Variants in PPT2 observed in about 807,000 individuals in gnomAD.
PPT2 encodes the protein palmitoyl-protein thioesterase 2, also known as lysosomal thioesterase PPT2.
PPT2 carries 20 observed loss-of-function variants against 37.3 expected under a neutral mutation model. The observed-to-expected ratio is 0.54, with a 90% CI of 0.38 to 0.78. The LOEUF is 0.78. Among genes scored for constraint, PPT2 ranks in the 30% least tolerant of loss-of-function variants. PPT2 has a pLI of 0.00. For missense variants in PPT2, 270 were observed against 389.8 expected (o/e 0.69, Z 2.59); for synonymous variants, 135 against 159.1 (o/e 0.85, Z 1.14).
In PPT2 at chr6:32,162,196, T is replaced by C. The variant is rs887249308; in HGVS notation, c.711-372T>C. Among the ~76,000 whole-genome samples the C allele has an allele frequency of 6.6e-6, 1 of 152,154 alleles. No individual in the cohort carries two copies. The highest frequency in any genetic ancestry group is 1.5e-5 in the Non-Finnish European group (1 of 68,024). On this transcript the variant is annotated intron_variant, in intron 7 of 8. Transcript: ENST00000324816. This position sits in a 1 kb window ranked among gnomAD's most constrained non-coding sequence, Gnocchi z 5.5. ...CACCTTGATTTCTTCCTTTCTTTTTTCCTTTTCTTTTTTCTTTCCTTTTTC... is the reference window on the plus strand; with the variant it reads ...CACCTTGATTTCTTCCTTTCTTTTTCCCTTTTCTTTTTTCTTTCCTTTTTC...
chr6:32,161,037 T>C (rs1582624497), intron 7 of PPT2, among the ~76,000 whole-genome samples: 1 of 151,844 alleles, frequency 6.6e-6, no homozygotes, highest in African/African-American at 2.4e-5. Context: ...TCATTTATAC[T>C]CCTCACCTAG....
Position 32,154,922 on chromosome 6 carries a change from G to A in PPT2, c.184-108G>A. On this transcript the variant is annotated intron_variant, in intron 2 of 8. Coordinates refer to ENST00000324816, the MANE Select transcript of PPT2 (RefSeq NM_005155.7). This position sits in a 1 kb window ranked among gnomAD's most constrained non-coding sequence, Gnocchi z 7.3. ...GGCGTGGGGGAGAGTTGGGGGACGGGATCCCTGGTTCTAGCAGGGTACAAT... is the reference window on the plus strand; with the variant it reads ...GGCGTGGGGGAGAGTTGGGGGACGGAATCCCTGGTTCTAGCAGGGTACAAT... 1 of 1,548,682 alleles carries A rather than the reference G, an allele frequency of 6.5e-7. No individual in the cohort carries two copies. Among genetic ancestry groups the A allele is most frequent in the Admixed American group, 1.7e-5 (1 of 57,746 alleles).
At chr6:32,157,812 C>T (rs771358504) in intron 6 of PPT2, 28 bp from the exon 7 acceptor site, 3 of 1,603,750 alleles carry the variant, frequency 1.9e-6, no homozygotes, top group Non-Finnish European at 2.6e-6. Context: ...CTGTGGCTGA[C>T]TCAGCCTCTC....
Position 32,163,187 on chromosome 6 carries a change from T to C in PPT2, c.*237T>C. The C allele has an allele frequency of 1.8e-6, 1 of 549,508 alleles. No individual in the cohort carries two copies. The highest frequency in any genetic ancestry group is 3.2e-6 in the Non-Finnish European group (1 of 314,076). 34.0% of individuals were successfully genotyped at this position (549,508 alleles called of 1,614,324 possible). A position where few individuals can be genotyped will look rare whatever the true frequency, so the allele number is the denominator to read the frequency against. ...CCTCATGTCCTCTCATTTGGGGGATTGCTCCGTGCTGTCCCTTTCTCTCAA... is the reference window on the plus strand; with the variant it reads ...CCTCATGTCCTCTCATTTGGGGGATCGCTCCGTGCTGTCCCTTTCTCTCAA... On this transcript the variant is annotated 3_prime_UTR_variant, in exon 9 of 9. Transcript: ENST00000324816.
rs779847236 is a variant in PPT2 at position 32,155,026 on chromosome 6, A to G, written c.184-4A>G. On this transcript the variant is annotated splice_region_variant and splice_polypyrimidine_tract_variant and intron_variant, in intron 2 of 8. Coordinates refer to ENST00000324816, the MANE Select transcript of PPT2 (RefSeq NM_005155.7). The surrounding 1 kb of genome is among the most constrained non-coding windows in gnomAD (Gnocchi z 4.3). ...CCGGTGGCTGCATTGCCCCCTTCCC[A>G]CAGACACACCCCGGGACTGTGGTGA... 6.2e-7 allele frequency: 1 copy of G among 1,612,606 alleles called. No individual in the cohort carries two copies. Among genetic ancestry groups the G allele is most frequent in the Non-Finnish European group, 8.5e-7 (1 of 1,179,940 alleles).
At position 32,162,931 on chromosome 6, in the gene PPT2, T is replaced by C. The variant is rs770595939; in HGVS notation, c.890T>C (p.Ile297Thr). Residue 297 changes from isoleucine to threonine, a missense_variant, in exon 9 of 9, where the codon ATT becomes ACT. Ile to Thr is a moderately conservative substitution (Grantham distance 89). Coordinates refer to ENST00000324816, the MANE Select transcript of PPT2 (RefSeq NM_005155.7). The surrounding 1 kb of genome is among the most constrained non-coding windows in gnomAD (Gnocchi z 5.5). ...AACCGTACCCTTTATGAGACCTGCA[T>C]TGAACCTTGGCTCTCCTGAGGATAT... ...HSNRTLYETCIEPWLS is the reference protein window; with the variant it reads ...HSNRTLYETCTEPWLS The C allele has an allele frequency of 1.1e-5, 18 of 1,613,830 alleles. No individual in the cohort carries two copies. The Admixed American group carries it at 2.0e-4, about 18-fold the overall frequency.
In PPT2 at chr6:32,154,793, C is replaced by T; in HGVS notation, c.183+16C>T. 1 of 1,607,676 alleles carries T rather than the reference C, an allele frequency of 6.2e-7. No individual in the cohort carries two copies. Among genetic ancestry groups the T allele is most frequent in the Non-Finnish European group, 8.5e-7 (1 of 1,175,766 alleles). On this transcript the variant is annotated intron_variant, in intron 2 of 8. Coordinates refer to ENST00000324816, the MANE Select transcript of PPT2 (RefSeq NM_005155.7). The surrounding 1 kb of genome is among the most constrained non-coding windows in gnomAD (Gnocchi z 7.3). ...CATCAATGAGGTCTGGCAGGGGACA[C>T]CTGGGTGCAGGGCGTTAGAGGCGTC...
chr6:32,157,050 A>C (rs1256627584), intron 5 of PPT2: 2 of 152,274 alleles, frequency 1.3e-5, no homozygotes, highest in Non-Finnish European at 2.9e-5. Context: ...GAATGTGGGC[A>C]CACGCTTGTA....
chr6:32,162,705 G>GTTCA lies in PPT2; in HGVS notation c.765+84_765+87dup. The GTTCA allele has an allele frequency of 1.3e-6, 2 of 1,576,564 alleles. No individual in the cohort carries two copies. Among genetic ancestry groups the GTTCA allele is most frequent in the Non-Finnish European group, 1.7e-6 (2 of 1,146,108 alleles). ...CTCTCTGTGACTCCTGAGCTGAAGGGTTCACCCTGTGGGGAGGAGGTCCAG... is the reference window on the plus strand; with the variant it reads ...CTCTCTGTGACTCCTGAGCTGAAGGGTTCATTCACCCTGTGGGGAGGAGGTCCAG... On this transcript the variant is annotated intron_variant, in intron 8 of 8. Transcript: ENST00000324816. The surrounding 1 kb of genome is among the most constrained non-coding windows in gnomAD (Gnocchi z 5.5).
At chr6:32,159,472 A>ATATATATATATATATATATATATC (rs1465188963) in intron 7 of PPT2, among the ~76,000 whole-genome samples, 8 of 127,534 alleles carry the variant, frequency 6.3e-5, no homozygotes, top group Admixed American at 4.1e-4. Context: ...ATATATATAT[A>ATATATATATATATATATATATATC]TCCTCATCCC....
At position 32,163,048 on chromosome 6, in the gene PPT2, A is replaced by C; in HGVS notation, c.*98A>C. ...GCTTTGGTGTGCCTGTGACCACCTC[A>C]TTGCTCCCATATTATCCCCCATTTT... is the stretch of plus-strand genomic sequence containing the variant. On this transcript the variant is annotated 3_prime_UTR_variant, in exon 9 of 9. Transcript: ENST00000324816. 1.5e-6 allele frequency: 2 copies of C among 1,351,966 alleles called. No individual in the cohort carries two copies. Among genetic ancestry groups the C allele is most frequent in the Non-Finnish European group, 2.0e-6 (2 of 983,584 alleles). The allele number at this position is 1,351,966 out of a possible 1,614,324, so 83.7% of individuals were successfully genotyped here.
Position 32,154,710 on chromosome 6 carries a change from T to A in PPT2, c.116T>A (p.Val39Asp). The A allele has an allele frequency of 6.2e-7, 1 of 1,613,172 alleles. No homozygotes were observed. Among genetic ancestry groups the A allele is most frequent in the Non-Finnish European group, 8.5e-7 (1 of 1,180,018 alleles). The change falls in exon 2 of 9, where the codon GTC (valine) becomes GAC (aspartate). Residue 39 changes from valine (V) to aspartate (D), a missense_variant. Coordinates refer to ENST00000324816, the MANE Select transcript of PPT2 (RefSeq NM_005155.7). This position sits in a 1 kb window ranked among gnomAD's most constrained non-coding sequence, Gnocchi z 7.3. ...PAPHRASYKP[V>D]IVVHGLFDSS... The stretch of plus-strand genomic sequence containing the variant: ...CCCCACCGCGCGTCCTACAAGCCGG[T>A]CATCGTGGTGCATGGGCTCTTCGAC...
Position 32,156,485 on chromosome 6 carries a change from G to A in PPT2, c.541+507G>A, listed in dbSNP as rs914204787. ...GAGTCAGCAAACCTTGTCTATAAAG[G>A]GCCAGAGAGTAAATATTTTTGACTT... On this transcript the variant is annotated intron_variant, in intron 5 of 8. Transcript: ENST00000324816. The surrounding 1 kb of genome is among the most constrained non-coding windows in gnomAD (Gnocchi z 4.9). 6.6e-6 allele frequency among the ~76,000 whole-genome samples: 1 copy of A among 152,124 alleles called. No individual in the cohort carries two copies. The highest frequency in any genetic ancestry group is 1.5e-5 in the Non-Finnish European group (1 of 68,030).
At chr6:32,153,671 G>C, upstream of PPT2, 1 of 1,585,688 alleles carries the variant, frequency 6.3e-7, no homozygotes, top group Non-Finnish European at 8.6e-7. This position sits in a 1 kb window ranked among gnomAD's most constrained non-coding sequence, Gnocchi z 4.4. Flanking sequence ...TGGAGGGTGG[G>C]GTGGGGTGGG....
chr6:32,156,790 A>G lies in PPT2; in HGVS notation c.541+812A>G, dbSNP rs1362791361. On this transcript the variant is annotated intron_variant, in intron 5 of 8. Transcript: ENST00000324816. The surrounding 1 kb of genome is among the most constrained non-coding windows in gnomAD (Gnocchi z 4.9). ...GTTTTCCTTATCTGTAAAATATTAT[A>G]GCATGTACTTCACCAGGTGGTTGTA... Among the ~76,000 whole-genome samples, 1 of 152,172 alleles carries G rather than the reference A, an allele frequency of 6.6e-6. No individual in the cohort carries two copies.
upstream of PPT2, chr6:32,153,784 C>A: frequency 1.8e-6 from 2 of 1,128,846 alleles, no homozygotes; most frequent in East Asian, 2.7e-5. This position sits in a 1 kb window ranked among gnomAD's most constrained non-coding sequence, Gnocchi z 4.4. Context: ...GGTCCGCCCC[C>A]TGGCCGCCCC....
upstream of PPT2, chr6:32,153,763 T>A: frequency 1.6e-6 from 2 of 1,244,102 alleles, no homozygotes; most frequent in Non-Finnish European, 1.1e-6. The surrounding 1 kb of genome is among the most constrained non-coding windows in gnomAD (Gnocchi z 4.4). Flanking sequence ...TGCAGAGGAC[T>A]ACCTTTCCCT....
rs1056669859 is a variant in PPT2 at position 32,163,029 on chromosome 6, G to T, written c.*79G>T. On this transcript the variant is annotated 3_prime_UTR_variant, in exon 9 of 9. Transcript: ENST00000324816. ...CTTGGAAAGCAGATGTCAGGCTTTGGTGTGCCTGTGACCACCTCATTGCTC... is the reference window on the plus strand; with the variant it reads ...CTTGGAAAGCAGATGTCAGGCTTTGTTGTGCCTGTGACCACCTCATTGCTC... 27 of 1,465,156 alleles carry T rather than the reference G, an allele frequency of 1.8e-5. No homozygotes were observed. Among genetic ancestry groups the T allele is most frequent in the Non-Finnish European group, 2.5e-5 (27 of 1,075,526 alleles). The allele number at this position is 1,465,156 out of a possible 1,614,324, so 90.8% of individuals were successfully genotyped here.
In PPT2 at chr6:32,155,605, T is replaced by G. The variant is rs2127388084; in HGVS notation, c.338-83T>G. 6 of 864,990 alleles carry G rather than the reference T, an allele frequency of 6.9e-6. No individual in the cohort carries two copies. The South Asian group carries it at 8.0e-5, about 12-fold the overall frequency. The allele number at this position is 864,990 out of a possible 1,614,324, so 53.6% of individuals were successfully genotyped here. On this transcript the variant is annotated intron_variant, in intron 3 of 8. Transcript: ENST00000324816. This position sits in a 1 kb window ranked among gnomAD's most constrained non-coding sequence, Gnocchi z 4.3. Reference sequence around the variant, plus strand: ...GTCTCTGTGTGTGTGTGTGTGTGTGTGTGTGTGTGTGTGGTGGGGGTGGGG... The same window carrying G: ...GTCTCTGTGTGTGTGTGTGTGTGTGGGTGTGTGTGTGTGGTGGGGGTGGGG...
Sources: gnomAD v4.1 joint callset for allele counts (sites outside exome capture counted in the v4.1 genomes callset) on GRCh38, gnomAD v4.1.1 for gene constraint, Gnocchi (gnomAD v3.1) non-coding constraint, MANE v1.5 for transcripts, NCBI Gene and HGNC (gene_info 2026-07-23, HGNC 2026-07-21) for gene names.